TIAM2: variants seen among roughly 807,000 people sequenced by gnomAD.
The protein encoded by TIAM2 is rho guanine nucleotide exchange factor TIAM2.
TIAM2 carries 80 observed loss-of-function variants against 152.9 expected under a neutral mutation model. The ratio of observed to expected loss-of-function variants is 0.52; its 90% CI spans 0.44 to 0.63. The LOEUF is 0.63. Among genes scored for constraint, TIAM2 ranks in the 30% least tolerant of loss-of-function variants. The pLI, the probability that TIAM2 is intolerant of heterozygous loss-of-function variation, is 0.00. For synonymous variants in TIAM2, 804 were observed against 838.0 expected, an observed-to-expected ratio of 0.96 and a Z score of 0.70; for missense variants, 1,965 against 2,120.1, an observed-to-expected ratio of 0.93 and a Z score of 1.44.
chr6:155,244,919 G>T, intron 18 of TIAM2, 136 bp downstream of exon 18: 1 of 1,141,372 alleles, frequency 8.8e-7, no homozygotes, highest in Non-Finnish European at 1.2e-6. Flanking sequence ...CTATTTCCTT[G>T]CACCGTTTTC....
At chr6:155,029,986 G>T (rs753290996) in intron 1 of TIAM2, among the ~76,000 whole-genome samples, 3 of 151,786 alleles carry the variant, frequency 2.0e-5, no homozygotes, top group Non-Finnish European at 4.4e-5. Flanking sequence ...AGAGATGGGG[G>T]TCTCACCATG....
intron 2 of TIAM2, among the ~76,000 whole-genome samples, chr6:155,105,975 G>A (rs1304551891): frequency 3.5e-5 from 3 of 86,172 alleles, no homozygotes; most frequent in African/African-American, 8.2e-5. Context: ...TATCTTTTGG[G>A]TATTTTTATT....
intron 1 of TIAM2, among the ~76,000 whole-genome samples, chr6:155,069,455 A>AG (rs71023615): frequency 0.3 from 45,644 of 152,062 alleles, 7,397 homozygotes; most frequent in Non-Finnish European, 0.37. Flanking sequence ...AAGAACGACC[A>AG]GGGTTTCATT....
chr6:155,136,554 A>G (rs1779561526), intron 4 of TIAM2, among the ~76,000 whole-genome samples: 1 of 152,152 alleles, frequency 6.6e-6, no homozygotes, highest in Non-Finnish European at 1.5e-5. Flanking sequence ...AATTACAAGC[A>G]TGAGCCACCT....
intron 2 of TIAM2, among the ~76,000 whole-genome samples, chr6:155,114,038 T>TATATATATATA (rs1562320509): frequency 8.7e-5 from 2 of 22,880 alleles, no homozygotes; most frequent in African/African-American, 1.3e-4. Context: ...ATATATATAT[T>TATATATATATA]TTTTTTTTTT....
chr6:155,223,540 T>C (rs979640039), intron 15 of TIAM2, among the ~76,000 whole-genome samples: 2 of 151,300 alleles, frequency 1.3e-5, no homozygotes, highest in Non-Finnish European at 2.9e-5. Context: ...TTTTTTTTTT[T>C]TTTTACTCTG....
At position 155,021,035 on chromosome 6, in the gene TIAM2, C is replaced by G. The variant is rs1776469430; in HGVS notation, c.-209+25543C>G. On this transcript the variant is annotated intron_variant, in intron 1 of 26. Coordinates refer to ENST00000682666, the MANE Select transcript of TIAM2 (RefSeq NM_012454.4). ...TTAGCGTGATGTCCTCAAGGTTTAT[C>G]TATGTTGTAGCATGTATCAGAATGT... Among the ~76,000 whole-genome samples the G allele has an allele frequency of 2.0e-5, 3 of 152,174 alleles. No individual in the cohort carries two copies. The South Asian group carries it at 6.2e-4, about 32-fold the overall frequency.
chr6:155,193,265 A>T (rs1011876658), intron 14 of TIAM2, among the ~76,000 whole-genome samples: 2 of 152,166 alleles, frequency 1.3e-5, no homozygotes, highest in African/African-American at 4.8e-5. Context: ...TTAGCTGGGC[A>T]TGGTGGCTTG....
Position 155,245,642 on chromosome 6 carries a change from G to C in TIAM2, c.3563G>C (p.Gly1188Ala). The C allele has an allele frequency of 6.2e-7, 1 of 1,613,988 alleles. No individual in the cohort carries two copies. The highest frequency in any genetic ancestry group is 1.1e-5 in the South Asian group (1 of 91,068). The stretch of plus-strand genomic sequence containing the variant: ...TTCTAGAAATTACTGTTTTCCCTTG[G>C]AGGCTCTTTCCTTTATTACGCGGAC... ...SQFRKLLFSL[G>A]GSFLYYADHF... The change falls in exon 19 of 27, where the codon GGA becomes GCA. Residue 1188 changes from glycine to alanine, a missense_variant. Gly to Ala is a moderately conservative substitution (Grantham distance 60). This residue lies in a region of TIAM2 where 935 missense variants were observed against 980.0 expected (regional missense o/e 0.95). Coordinates refer to ENST00000682666, the MANE Select transcript of TIAM2 (RefSeq NM_012454.4).
intron 22 of TIAM2, among the ~76,000 whole-genome samples, chr6:155,251,443 C>T (rs1054787620): frequency 1.3e-5 from 2 of 152,046 alleles, no homozygotes; most frequent in Non-Finnish European, 2.9e-5. Flanking sequence ...CTCGCCACCA[C>T]GCCCGGCTGA....
At chr6:155,001,083 A>G (rs899156181) in intron 1 of TIAM2, among the ~76,000 whole-genome samples, 11 of 152,210 alleles carry the variant, frequency 7.2e-5, no homozygotes, top group African/African-American at 2.7e-4. Flanking sequence ...GTAACAGTGT[A>G]GATCATCAAA....
At chr6:155,057,746 A>C (rs1337407834) in intron 1 of TIAM2, among the ~76,000 whole-genome samples, 1 of 151,576 alleles carries the variant, frequency 6.6e-6, no homozygotes, top group Non-Finnish European at 1.5e-5. Context: ...GGGTTCCACT[A>C]TGTTCACCAG....
intron 7 of TIAM2, among the ~76,000 whole-genome samples, chr6:155,153,621 C>CTTTTTTT (rs35672714): frequency 3.8e-5 from 4 of 105,302 alleles, no homozygotes; most frequent in Non-Finnish European, 5.4e-5. Context: ...GCTGTTTACG[C>CTTTTTTT]TTTTTTTTTT....
chr6:155,037,058 C>CTG (rs1001914234), intron 1 of TIAM2, among the ~76,000 whole-genome samples: 3 of 152,178 alleles, frequency 2.0e-5, no homozygotes, highest in Admixed American at 2.0e-4. Context: ...GTTTCCTGTC[C>CTG]TGTAGTTCAA....
In TIAM2 at chr6:155,024,392, C is replaced by T. The variant is rs577169355; in HGVS notation, c.-209+28900C>T. On this transcript the variant is annotated intron_variant, in intron 1 of 26. Transcript: ENST00000682666. ...AAAAATTCAGAGGATTTTCAGACAACAAATTTCCTGGAAGAAATTGTGCAT... is the reference window on the plus strand; with the variant it reads ...AAAAATTCAGAGGATTTTCAGACAATAAATTTCCTGGAAGAAATTGTGCAT... Among the ~76,000 whole-genome samples, 5 of 151,956 alleles carry T rather than the reference C, an allele frequency of 3.3e-5. No individual in the cohort carries two copies. The East Asian group carries it at 9.6e-4, about 29-fold the overall frequency.
In TIAM2 at chr6:155,129,644, T is replaced by C; in HGVS notation, c.421T>C (p.Tyr141His). The C allele has an allele frequency of 3.1e-6, 5 of 1,614,066 alleles. No homozygotes were observed. Among genetic ancestry groups the C allele is most frequent in the Non-Finnish European group, 4.2e-6 (5 of 1,180,042 alleles). Residue 141 changes from tyrosine (Y) to histidine (H), a missense_variant, in exon 4 of 27, where the codon TAC becomes CAC. Tyr to His is a moderately conservative substitution (Grantham distance 83, BLOSUM62 2). Transcript: ENST00000682666. The surrounding 1 kb of genome is among the most constrained non-coding windows in gnomAD (Gnocchi z 4.8). Reference sequence around the variant, plus strand: ...CTGCAACGGACACCTTCTCAACTGCTACGGGAGGAATGAGAGCATTGCCTC... The same window carrying C: ...CTGCAACGGACACCTTCTCAACTGCCACGGGAGGAATGAGAGCATTGCCTC... ...RDCNGHLLNC[Y>H]GRNESIASTP...
chr6:155,228,238 A>G (rs1164760806), intron 15 of TIAM2, among the ~76,000 whole-genome samples: 2 of 152,180 alleles, frequency 1.3e-5, no homozygotes, highest in African/African-American at 4.8e-5. Flanking sequence ...AGTTTTCTGT[A>G]GGATAGACTT....
At position 155,137,160 on chromosome 6, in the gene TIAM2, A is replaced by C. The variant is rs769441504; in HGVS notation, c.1195-17A>C. Reference sequence around the variant, plus strand: ...TAGCCGTAAGCTCTGATGGGTGATCATGTGTGTTTCTCACAGGAGCCGAGG... The same window carrying C: ...TAGCCGTAAGCTCTGATGGGTGATCCTGTGTGTTTCTCACAGGAGCCGAGG... On this transcript the variant is annotated splice_polypyrimidine_tract_variant and intron_variant, in intron 4 of 26. Transcript: ENST00000682666. The C allele has an allele frequency of 6.2e-7, 1 of 1,607,864 alleles. No homozygotes were observed. The highest frequency in any genetic ancestry group is 8.5e-7 in the Non-Finnish European group (1 of 1,175,946).
At chr6:155,103,353 A>G (rs374023953) in intron 2 of TIAM2, among the ~76,000 whole-genome samples, 4 of 152,204 alleles carry the variant, frequency 2.6e-5, no homozygotes, top group African/African-American at 9.6e-5. Context: ...ATTCATGTGT[A>G]CAGGAGGTTC....
Sources: allele counts gnomAD v4.1 joint callset (sites outside exome capture counted in the v4.1 genomes callset), GRCh38; gene constraint gnomAD v4.1.1; regional missense constraint gnomAD v4.1.1; non-coding constraint Gnocchi (gnomAD v3.1); transcripts MANE v1.5; gene names NCBI Gene and HGNC (gene_info 2026-07-23, HGNC 2026-07-21).